The following ACAT1 variants were observed in gnomAD, a reference collection of about 807,000 sequenced individuals.
ACAT1 encodes acetyl-CoA acetyltransferase, mitochondrial.
ACAT1 carries 28 observed loss-of-function variants against 47.3 expected under a neutral mutation model. The ratio of observed to expected loss-of-function variants is 0.59; its 90% CI spans 0.44 to 0.81. The LOEUF (loss-of-function observed/expected upper bound fraction) is 0.81, where lower values mean the gene tolerates loss of function less well. Among genes scored for constraint, ACAT1 ranks in the 30% least tolerant of loss-of-function variants. The pLI, the probability that ACAT1 is intolerant of heterozygous loss-of-function variation, is 0.00. For missense variants in ACAT1, 469 were observed against 524.3 expected (o/e 0.89, Z 1.03); for synonymous variants, 181 against 173.6 (o/e 1.04, Z -0.34).
intron 1 of ACAT1, among the ~76,000 whole-genome samples, chr11:108,126,298 C>T (rs564092290): frequency 4.6e-5 from 7 of 152,276 alleles, no homozygotes; most frequent in African/African-American, 1.4e-4. Context: ...CCACTAGGCC[C>T]GGCCTGAGGA....
At chr11:108,125,590 G>C (rs1216104204) in intron 1 of ACAT1, among the ~76,000 whole-genome samples, 1 of 152,212 alleles carries the variant, frequency 6.6e-6, no homozygotes, top group Non-Finnish European at 1.5e-5. Flanking sequence ...ACTTTAAATA[G>C]AGTAGTTAGG....
intron 1 of ACAT1, 53 bp downstream of exon 1, chr11:108,121,731 G>A (rs897888638): frequency 1.8e-5 from 27 of 1,529,614 alleles, no homozygotes; most frequent in Non-Finnish European, 2.2e-5. Flanking sequence ...AGGAGTCCCC[G>A]CCTCGGAAGC....
At chr11:108,134,538 T>C (rs1253578696) in intron 4 of ACAT1, 7 of 355,424 alleles carry the variant, frequency 2.0e-5, no homozygotes, top group South Asian at 1.9e-4. Flanking sequence ...CTTGGGAGGC[T>C]GAGGCAGGAG....
chr11:108,134,170 A>AT (rs751263453), intron 3 of ACAT1, 51 bp from the exon 4 acceptor site: 1 of 1,491,744 alleles, frequency 6.7e-7, no homozygotes, highest in Non-Finnish European at 9.3e-7. Context: ...GTAATCACTG[A>AT]TTATTAAATT....
chr11:108,144,619 CA>C (rs2077664948), intron 10 of ACAT1, among the ~76,000 whole-genome samples: 1 of 151,962 alleles, frequency 6.6e-6, no homozygotes, highest in Admixed American at 6.6e-5. Context: ...CTCACCCTGA[CA>C]GTAAACTTCT....
At chr11:108,126,283 A>C (rs142503310) in intron 1 of ACAT1, among the ~76,000 whole-genome samples, 49 of 152,304 alleles carry the variant, frequency 3.2e-4, no homozygotes, top group African/African-American at 1.1e-3. Context: ...GATTATAGGC[A>C]TGAGCCACTA....
chr11:108,127,364 A>G (rs2077270994), intron 1 of ACAT1, among the ~76,000 whole-genome samples: 1 of 150,480 alleles, frequency 6.6e-6, no homozygotes. Flanking sequence ...TCCCGGGTTC[A>G]CACCATTCTC....
At chr11:108,118,573 A>G (rs1034289026), upstream of ACAT1, among the ~76,000 whole-genome samples, 14 of 151,992 alleles carry the variant, frequency 9.2e-5, no homozygotes, top group African/African-American at 3.4e-4. Flanking sequence ...ACAGGGTTTC[A>G]CCGTGTTAGG....
chr11:108,117,059 G>A (rs997921343), upstream of ACAT1, among the ~76,000 whole-genome samples: 4 of 152,102 alleles, frequency 2.6e-5, no homozygotes, highest in South Asian at 2.1e-4. Context: ...AGATTGGGGT[G>A]ATGGGCAGAG....
At chr11:108,117,274 C>G (rs1001723810), upstream of ACAT1, among the ~76,000 whole-genome samples, 1 of 151,198 alleles carries the variant, frequency 6.6e-6, no homozygotes, top group Non-Finnish European at 1.5e-5. Flanking sequence ...CCACTGCACT[C>G]CAGCCTGGGT....
chr11:108,127,151 A>G (rs2077265866), intron 1 of ACAT1, among the ~76,000 whole-genome samples: 1 of 151,126 alleles, frequency 6.6e-6, no homozygotes, highest in African/African-American at 2.4e-5. Context: ...ATTGAGAGCT[A>G]TGATTTGGAC....
At chr11:108,139,441 A>T (rs1213810782) in intron 6 of ACAT1, among the ~76,000 whole-genome samples, 2 of 151,852 alleles carry the variant, frequency 1.3e-5, no homozygotes, top group Admixed American at 6.6e-5. Context: ...AAATACAAAA[A>T]AATTAGCCAG....
intron 1 of ACAT1, among the ~76,000 whole-genome samples, chr11:108,131,388 G>A (rs953199048): frequency 3.9e-4 from 9 of 22,814 alleles, no homozygotes; most frequent in African/African-American, 1.1e-3. Flanking sequence ...GTCTTGCTTT[G>A]TTGCCAAGGC....
Position 108,133,840 on chromosome 11 carries a change from T to C in ACAT1, c.141T>C (p.Ala47=), listed in dbSNP as rs1226885218. The C allele has an allele frequency of 3.7e-6, 6 of 1,614,076 alleles. No homozygotes were observed. Among genetic ancestry groups the C allele is most frequent in the Middle Eastern group, 1.6e-4 (1 of 6,062 alleles). ...GCCAGGAAGTGGTCATAGTAAGTGCTACAAGAACACCCATTGGATCTTTTT... is the reference window on the plus strand; with the variant it reads ...GCCAGGAAGTGGTCATAGTAAGTGCCACAAGAACACCCATTGGATCTTTTT... ...PTLKEVVIVS[A]TRTPIGSFLG... The change falls in exon 3 of 12, where the codon GCT becomes GCC. Residue 47 remains alanine, a synonymous_variant. Coordinates refer to ENST00000265838, the MANE Select transcript of ACAT1 (RefSeq NM_000019.4).
chr11:108,118,191 G>A (rs117353008), upstream of ACAT1, among the ~76,000 whole-genome samples: 1,970 of 152,232 alleles, frequency 0.013, 20 homozygotes, highest in South Asian at 0.022. Flanking sequence ...ACTGAGGGAG[G>A]ATTGCTTGGG....
intron 1 of ACAT1, among the ~76,000 whole-genome samples, chr11:108,127,617 T>G (rs546719922): frequency 6.6e-6 from 1 of 152,090 alleles, no homozygotes; most frequent in South Asian, 2.1e-4. Context: ...AAGGATATAG[T>G]GAAGTTAAAT....
intron 1 of ACAT1, among the ~76,000 whole-genome samples, chr11:108,126,064 G>A (rs1481942710): frequency 6.6e-6 from 1 of 152,092 alleles, no homozygotes; most frequent in Non-Finnish European, 1.5e-5. Context: ...GGGCAGCGGC[G>A]CGATCTCGGC....
upstream of ACAT1, chr11:108,121,559 A>G: frequency 2.0e-6 from 3 of 1,538,252 alleles, no homozygotes; most frequent in Non-Finnish European, 2.6e-6. Flanking sequence ...GTTGGGGAGG[A>G]GGCCGCTAGT....
intron 2 of ACAT1, among the ~76,000 whole-genome samples, chr11:108,133,391 CAGA>C (rs1466023764): frequency 2.0e-5 from 3 of 152,010 alleles, no homozygotes; most frequent in East Asian, 1.9e-4. Flanking sequence ...TAGGCTGAGG[CAGA>C]AGGATTGCTT....
Sources: gnomAD v4.1 joint callset for allele counts (sites outside exome capture counted in the v4.1 genomes callset) on GRCh38, gnomAD v4.1.1 for gene constraint, MANE v1.5 for transcripts, NCBI Gene and HGNC (gene_info 2026-07-23, HGNC 2026-07-21) for gene names.